The following SNX27 variants were observed in gnomAD, a reference collection of about 807,000 sequenced individuals.
SNX27 encodes the protein sorting nexin 27, also known as sorting nexin-27.
SNX27 carries 22 observed loss-of-function variants against 71.6 expected under a neutral mutation model. The ratio of observed to expected loss-of-function variants is 0.31; its 90% CI spans 0.22 to 0.44. The LOEUF (loss-of-function observed/expected upper bound fraction) is 0.44, where lower values mean the gene tolerates loss of function less well. SNX27 is among the 20% of genes least tolerant of loss of function. The pLI is 1.00. For missense variants in SNX27, 531 were observed against 698.6 expected, an observed-to-expected ratio of 0.76 and a Z score of 2.70; for synonymous variants, 269 against 277.2, an observed-to-expected ratio of 0.97 and a Z score of 0.29.
chr1:151,623,077 A>G (rs1346166578), intron 1 of SNX27, among the ~76,000 whole-genome samples: 9 of 150,424 alleles, frequency 6.0e-5, no homozygotes, highest in Admixed American at 6.0e-4. Flanking sequence ...GGTCCAAGTG[A>G]TTATCCTGCC....
At chr1:151,693,078 G>T in intron 10 of SNX27, 39 bp downstream of exon 10, 2 of 1,585,628 alleles carry the variant, frequency 1.3e-6, no homozygotes, top group Non-Finnish European at 1.7e-6. Context: ...GACTTAGTTT[G>T]TTTTTTTGTT....
intron 1 of SNX27, among the ~76,000 whole-genome samples, chr1:151,634,210 T>C (rs1050579284): frequency 2.0e-5 from 3 of 152,314 alleles, no homozygotes; most frequent in South Asian, 2.1e-4. Flanking sequence ...AAAATTGAAA[T>C]GTATGTCTTA....
intron 1 of SNX27, among the ~76,000 whole-genome samples, chr1:151,621,582 G>A (rs1667678815): frequency 6.6e-6 from 1 of 152,018 alleles, no homozygotes; most frequent in Non-Finnish European, 1.5e-5. Flanking sequence ...GCAGTCTGCA[G>A]AGAGTCAGCT....
chr1:151,675,181 AC>A (rs1294811900), intron 7 of SNX27, among the ~76,000 whole-genome samples: 3 of 151,360 alleles, frequency 2.0e-5, no homozygotes, highest in Non-Finnish European at 4.4e-5. Context: ...GTAAGTTACT[AC>A]TTATATATCC....
At chr1:151,657,890 A>G (rs185831765) in intron 2 of SNX27, among the ~76,000 whole-genome samples, 1 of 152,108 alleles carries the variant, frequency 6.6e-6, no homozygotes, top group Non-Finnish European at 1.5e-5. Flanking sequence ...AATCCCAGCT[A>G]TTCAGGAGGC....
At chr1:151,629,874 C>T (rs894843765) in intron 1 of SNX27, among the ~76,000 whole-genome samples, 7 of 151,692 alleles carry the variant, frequency 4.6e-5, no homozygotes, top group Non-Finnish European at 7.4e-5. Flanking sequence ...CCAATGTGCC[C>T]GGCCACTGTT....
chr1:151,628,511 T>TGGG (rs1290789022), intron 1 of SNX27, among the ~76,000 whole-genome samples: 2 of 152,184 alleles, frequency 1.3e-5, no homozygotes, highest in Non-Finnish European at 2.9e-5. Flanking sequence ...GGTAAATACC[T>TGGG]GGGAATGTGA....
intron 7 of SNX27, 145 bp downstream of exon 7, chr1:151,668,780 A>G: frequency 1.7e-6 from 1 of 587,130 alleles, no homozygotes; most frequent in Non-Finnish European, 2.7e-6. Context: ...ATCCCATTTC[A>G]CGAAAGATAA....
chr1:151,686,662 A>G (rs1248229216), intron 8 of SNX27, among the ~76,000 whole-genome samples: 3 of 152,250 alleles, frequency 2.0e-5, no homozygotes, highest in Non-Finnish European at 4.4e-5. Flanking sequence ...CCTAGCCAAT[A>G]TTAGGTCATG....
chr1:151,619,596 G>A (rs930697675), intron 1 of SNX27, among the ~76,000 whole-genome samples: 3 of 151,932 alleles, frequency 2.0e-5, no homozygotes, highest in Non-Finnish European at 4.4e-5. Context: ...CCACCGTGCC[G>A]GGCCCACTCT....
In SNX27 at chr1:151,612,217, G is replaced by A. The variant is rs1027134476; in HGVS notation, c.16G>A (p.Gly6Arg). The A allele has an allele frequency of 1.5e-6, 2 of 1,359,212 alleles. No individual in the cohort carries two copies. The highest frequency in any genetic ancestry group is 1.9e-6 in the Non-Finnish European group (2 of 1,052,956). 84.2% of individuals were successfully genotyped at this position (1,359,212 alleles called of 1,614,324 possible). A position where few individuals can be genotyped will look rare whatever the true frequency, so the allele number is the denominator to read the frequency against. ...TGCTCGCAAGATGGCGGACGAGGAC[G>A]GGGAAGGGATTCATCCCTCAGCCCC... MADED[G>R]EGIHPSAPHR... is the part of the protein sequence containing the mutation. Residue 6 changes from glycine to arginine, a missense_variant, in exon 1 of 12, where the codon GGG (glycine) becomes AGG (arginine). Transcript: ENST00000458013. This position sits in a 1 kb window ranked among gnomAD's most constrained non-coding sequence, Gnocchi z 5.2.
intron 1 of SNX27, among the ~76,000 whole-genome samples, chr1:151,615,479 C>T (rs780919079): frequency 1.4e-4 from 21 of 152,040 alleles, no homozygotes; most frequent in Non-Finnish European, 2.4e-4. Flanking sequence ...CTACTTGTCT[C>T]GATCTTGGTT....
At chr1:151,652,071 A>G (rs927431177) in intron 2 of SNX27, among the ~76,000 whole-genome samples, 1 of 152,172 alleles carries the variant, frequency 6.6e-6, no homozygotes, top group Admixed American at 6.5e-5. Flanking sequence ...CGAGCCTGCA[A>G]TCGCAGGCAC....
intron 1 of SNX27, among the ~76,000 whole-genome samples, chr1:151,617,846 C>T (rs1667490055): frequency 1.4e-5 from 2 of 145,632 alleles, no homozygotes; most frequent in African/African-American, 2.5e-5. Context: ...TCTTTGGATT[C>T]TAGATCTTGA....
chr1:151,687,049 C>T (rs1030104777), intron 8 of SNX27, among the ~76,000 whole-genome samples: 3 of 152,178 alleles, frequency 2.0e-5, no homozygotes, highest in Non-Finnish European at 2.9e-5. Flanking sequence ...TACTTACTTA[C>T]AAAGTTAGAC....
At position 151,612,694 on chromosome 1, in the gene SNX27, C is replaced by G. The variant is rs931562891; in HGVS notation, c.311+182C>G. 1.3e-5 allele frequency among the ~76,000 whole-genome samples: 2 copies of G among 152,026 alleles called. No individual in the cohort carries two copies. The highest frequency in any genetic ancestry group is 4.8e-5 in the African/African-American group (2 of 41,346). On this transcript the variant is annotated intron_variant, in intron 1 of 11. Transcript: ENST00000458013. The surrounding 1 kb of genome is among the most constrained non-coding windows in gnomAD (Gnocchi z 5.2). ...GTGGGCTGCCCTCCCACCACCCGCC[C>G]CGGGGCTTCTGCGACGCCGGTCTCC...
chr1:151,692,298 C>T, intron 8 of SNX27, 137 bp from the exon 9 acceptor site: 4 of 1,144,932 alleles, frequency 3.5e-6, no homozygotes, highest in Non-Finnish European at 4.7e-6. Flanking sequence ...GAGGCCAGGT[C>T]TTCAGGTTGT....
At chr1:151,667,597 G>A (rs1293076628) in intron 6 of SNX27, among the ~76,000 whole-genome samples, 1 of 57,052 alleles carries the variant, frequency 1.8e-5, no homozygotes, top group Admixed American at 1.8e-4. Flanking sequence ...AGGCCGAGGC[G>A]GGCGGATCAC....
At chr1:151,629,794 G>A (rs1444870524) in intron 1 of SNX27, among the ~76,000 whole-genome samples, 1 of 151,630 alleles carries the variant, frequency 6.6e-6, no homozygotes. Flanking sequence ...GGCCAGGCTG[G>A]CCTTAAACTC....
Sources: gnomAD v4.1 joint callset for allele counts (sites outside exome capture counted in the v4.1 genomes callset) on GRCh38, gnomAD v4.1.1 for gene constraint, Gnocchi (gnomAD v3.1) non-coding constraint, MANE v1.5 for transcripts, NCBI Gene and HGNC (gene_info 2026-07-23, HGNC 2026-07-21) for gene names.